Variants in WTAP observed in about 807,000 individuals in gnomAD.
The protein encoded by WTAP is WT1 associated protein.
A neutral mutation model predicts 50.0 loss-of-function variants in WTAP; 8 were observed. That is an observed-to-expected ratio of 0.16 (90% CI 0.09 to 0.29). The LOEUF is 0.29. Ranked by LOEUF, WTAP falls within the 10% of genes least tolerant of loss-of-function variation. WTAP has a pLI of 1.00. For missense variants in WTAP, 295 were observed against 470.7 expected, an observed-to-expected ratio of 0.63 and a Z score of 3.45; for synonymous variants, 194 against 169.0, an observed-to-expected ratio of 1.15 and a Z score of -1.15.
chr6:159,738,223 T>G (rs1275009665), intron 2 of WTAP, among the ~76,000 whole-genome samples: 1 of 152,244 alleles, frequency 6.6e-6, no homozygotes, highest in Non-Finnish European at 1.5e-5. Flanking sequence ...GTTATTCTTT[T>G]ATAGCCACAT....
intron 6 of WTAP, among the ~76,000 whole-genome samples, chr6:159,751,024 G>A (rs1484529612): frequency 6.6e-6 from 1 of 152,230 alleles, no homozygotes; most frequent in African/African-American, 2.4e-5. Context: ...ACACATTTTA[G>A]AGTGTTTAGA....
chr6:159,731,903 A>T (rs183112165), intron 1 of WTAP, among the ~76,000 whole-genome samples: 151 of 152,304 alleles, frequency 9.9e-4, no homozygotes, highest in Non-Finnish European at 1.9e-3. Context: ...ACAGATTATC[A>T]TCTCATTTTT....
chr6:159,735,526 G>A lies in WTAP; in HGVS notation c.-8-732G>A, dbSNP rs1035441599. ...AGCACTTTGGGAGGCCAAGGCGGAC[G>A]GGTTGCAATGTCAGGAGTTCGAGAC... On this transcript the variant is annotated intron_variant, in intron 1 of 7. Transcript: ENST00000621533. Among the ~76,000 whole-genome samples, 7 of 152,080 alleles carry A rather than the reference G, an allele frequency of 4.6e-5. No homozygotes were observed. The East Asian group carries it at 7.7e-4, about 17-fold the overall frequency.
chr6:159,741,171 T>C (rs1228100610), intron 3 of WTAP, among the ~76,000 whole-genome samples: 3 of 152,176 alleles, frequency 2.0e-5, no homozygotes, highest in Non-Finnish European at 4.4e-5. Flanking sequence ...AACTGCCTAA[T>C]AAGACTAGGA....
chr6:159,730,658 A>T (rs1778509418), intron 1 of WTAP, among the ~76,000 whole-genome samples: 1 of 152,224 alleles, frequency 6.6e-6, no homozygotes, highest in Non-Finnish European at 1.5e-5. Context: ...TTTTCATCAG[A>T]TTAAAGTTGA....
At chr6:159,728,452 G>A (rs1275131978) in intron 1 of WTAP, among the ~76,000 whole-genome samples, 2 of 152,166 alleles carry the variant, frequency 1.3e-5, no homozygotes, top group East Asian at 3.8e-4. Flanking sequence ...TATTTAGTCT[G>A]GTAGGGAAAT....
At chr6:159,743,570 GATTA>G in intron 4 of WTAP, 91 bp from the exon 5 acceptor site, 1 of 1,201,978 alleles carries the variant, frequency 8.3e-7, no homozygotes, top group Non-Finnish European at 1.1e-6. Context: ...CTAAAGACTT[GATTA>G]ATTTTTTGAC....
intron 2 of WTAP, among the ~76,000 whole-genome samples, chr6:159,737,715 C>T (rs1779006461): frequency 6.6e-6 from 1 of 152,204 alleles, no homozygotes; most frequent in Middle Eastern, 3.4e-3. Context: ...TGATCTTGAA[C>T]TCCCGAGTTC....
intron 3 of WTAP, 30 bp downstream of exon 3, chr6:159,739,075 CT>C: frequency 1.3e-6 from 2 of 1,561,486 alleles, no homozygotes; most frequent in Non-Finnish European, 1.8e-6. Context: ...AAAACAAAGT[CT>C]TTCTATAGAA....
intron 5 of WTAP, among the ~76,000 whole-genome samples, chr6:159,747,515 C>CTTTTA (rs1779643976): frequency 2.6e-5 from 4 of 152,076 alleles, no homozygotes; most frequent in African/African-American, 4.8e-5. Flanking sequence ...GCTTAAGGTC[C>CTTTTA]TATAGAGTTT....
chr6:159,752,923 G>T (rs565440336), intron 6 of WTAP, among the ~76,000 whole-genome samples: 1 of 152,180 alleles, frequency 6.6e-6, no homozygotes, highest in Non-Finnish European at 1.5e-5. Flanking sequence ...TTTTTGTAGA[G>T]TTGGAGTCTA....
chr6:159,729,442 A>G (rs567000916), intron 1 of WTAP, among the ~76,000 whole-genome samples: 1 of 152,346 alleles, frequency 6.6e-6, no homozygotes, highest in Non-Finnish European at 1.5e-5. Context: ...GTATAACAAG[A>G]TGTTCCATCT....
intron 1 of WTAP, among the ~76,000 whole-genome samples, chr6:159,731,140 CAAAAAAAA>C (rs1182389602): frequency 2.0e-5 from 3 of 149,956 alleles, no homozygotes; most frequent in African/African-American, 7.4e-5. Context: ...GACTACGTCT[CAAAAAAAA>C]GAAAAAAAGA....
intron 1 of WTAP, among the ~76,000 whole-genome samples, chr6:159,731,942 G>C (rs1778596308): frequency 6.6e-6 from 1 of 151,834 alleles, no homozygotes; most frequent in African/African-American, 2.4e-5. Flanking sequence ...TTTTATTTTA[G>C]TGGAATAAGA....
At chr6:159,727,213 C>T, upstream of WTAP, 2 of 1,258,944 alleles carry the variant, frequency 1.6e-6, no homozygotes, top group South Asian at 2.6e-5. Context: ...GCAGCTGCTC[C>T]ATTGTGCCTC....
chr6:159,749,871 A>G (rs574813047), intron 6 of WTAP, among the ~76,000 whole-genome samples: 4 of 152,346 alleles, frequency 2.6e-5, no homozygotes, highest in African/African-American at 7.2e-5. Flanking sequence ...AGATCATTCT[A>G]TAAGTCACCA....
In WTAP at chr6:159,736,277, A is replaced by C; in HGVS notation, c.12A>C (p.Glu4Asp). 6.2e-7 allele frequency: 1 copy of C among 1,605,008 alleles called. No homozygotes were observed. The highest frequency in any genetic ancestry group is 8.5e-7 in the Non-Finnish European group (1 of 1,175,308). MTN[E>D]EPLPKKVRLS... ...TTTTAGGATTCAAGATGACCAACGA[A>C]GAACCTCTTCCCAAGAAGGTATGGG... Residue 4 changes from glutamate (E) to aspartate (D), a missense_variant, in exon 2 of 8, where the codon GAA becomes GAC. This residue lies in a region of WTAP where 120 missense variants were observed against 287.6 expected (regional missense o/e 0.42). Transcript: ENST00000621533.
At chr6:159,743,526 A>G in intron 4 of WTAP, 139 bp from the exon 5 acceptor site, 3 of 763,410 alleles carry the variant, frequency 3.9e-6, no homozygotes, top group Non-Finnish European at 6.0e-6. Context: ...ACCAGGAAGA[A>G]ATTCGCCTGT....
rs559128404 is a variant in WTAP, at chr6:159,755,723, G to T, written c.*112G>T. On this transcript the variant is annotated 3_prime_UTR_variant, in exon 8 of 8. Coordinates refer to ENST00000621533, the MANE Select transcript of WTAP (RefSeq NM_001270531.2). ...TGCCTTTTTGTGGGTGTACGTTTTG[G>T]TTTTTTTTTGTTGTTTTTTTTCTTT... is the stretch of plus-strand genomic sequence containing the variant. The T allele has an allele frequency of 1.4e-4, 115 of 834,782 alleles. No individual in the cohort carries two copies. In the Middle Eastern group the frequency reaches 3.2e-3, roughly 23 times the overall value. The allele number at this position is 834,782 out of a possible 1,614,324, so 51.7% of individuals were successfully genotyped here. A position where few individuals can be genotyped will look rare whatever the true frequency, so the allele number is the denominator to read the frequency against.
Sources: allele counts gnomAD v4.1 joint callset (sites outside exome capture counted in the v4.1 genomes callset), GRCh38; gene constraint gnomAD v4.1.1; regional missense constraint gnomAD v4.1.1; transcripts MANE v1.5; gene names NCBI Gene and HGNC (gene_info 2026-07-23, HGNC 2026-07-21).